PCAT7: variants seen among roughly 807,000 people sequenced by gnomAD.
The protein encoded by PCAT7 is prostate cancer associated transcript 7 (non-protein coding).
At chr9:94,573,007 C>G (rs1056154771) in exon 3 of PCAT7, 5 of 152,136 alleles carry the variant, frequency 3.3e-5, no homozygotes, top group Non-Finnish European at 4.4e-5. Flanking sequence ...CATAGACCAT[C>G]ATGTCGTCTG....
At chr9:94,561,488 G>A (rs535635109) in intron 2 of PCAT7, among the ~76,000 whole-genome samples, 3 of 148,428 alleles carry the variant, frequency 2.0e-5, no homozygotes, top group Non-Finnish European at 3.0e-5. Flanking sequence ...TCAGCCTCCC[G>A]AGTAGCTGGA....
chr9:94,574,363 G>A (rs1655337588), intron 3 of PCAT7, among the ~76,000 whole-genome samples: 1 of 152,130 alleles, frequency 6.6e-6, no homozygotes, highest in Admixed American at 6.6e-5. Flanking sequence ...CAATTTGACA[G>A]GTGGACAAAA....
At position 94,555,609 on chromosome 9, in the gene PCAT7, G is replaced by A. The variant is rs1456529305; in HGVS notation, n.257+299G>A. On this transcript the variant is annotated intron_variant and non_coding_transcript_variant, in intron 1 of 8. Transcript: ENST00000647389. ...AGGGGGGGAAAATGGGCGAGCAGTAGGGAGAGAAGGTTTTGTGAAAAGATG... is the reference window on the plus strand; with the variant it reads ...AGGGGGGGAAAATGGGCGAGCAGTAAGGAGAGAAGGTTTTGTGAAAAGATG... 2.0e-5 allele frequency among the ~76,000 whole-genome samples: 3 copies of A among 151,384 alleles called. No individual in the cohort carries two copies. The South Asian group carries it at 6.3e-4, about 32-fold the overall frequency.
intron 2 of PCAT7, chr9:94,567,403 A>G (rs746591066): frequency 2.5e-6 from 4 of 1,614,080 alleles, no homozygotes; most frequent in Middle Eastern, 1.6e-4. Flanking sequence ...AAATTCACCA[A>G]GAGCCTAGCA....
At chr9:94,555,419 T>TG (rs1401537567) in intron 1 of PCAT7, 7 of 151,288 alleles carry the variant, frequency 4.6e-5, no homozygotes, top group African/African-American at 1.7e-4. Context: ...AAAAAGACGA[T>TG]GGGGAAAAGA....
intron 2 of PCAT7, chr9:94,563,582 C>G (rs771623004): frequency 7.6e-6 from 8 of 1,046,126 alleles, no homozygotes; most frequent in Non-Finnish European, 1.1e-5. Flanking sequence ...CCTCCACCCA[C>G]TAGTGTAGGA....
At chr9:94,555,347 T>G (rs1469264567) in intron 1 of PCAT7, 1 of 149,166 alleles carries the variant, frequency 6.7e-6, no homozygotes, top group Non-Finnish European at 1.5e-5. Flanking sequence ...TAGATAGAGG[T>G]GGGTAAAGAG....
intron 2 of PCAT7, chr9:94,567,430 C>T: frequency 1.9e-6 from 3 of 1,605,868 alleles, no homozygotes. Context: ...AGAGAGATGC[C>T]AGGAAGAAGA....
intron 1 of PCAT7, chr9:94,558,827 A>T: frequency 1.0e-6 from 1 of 991,962 alleles, no homozygotes; most frequent in South Asian, 1.4e-5. Context: ...GTATGTGATT[A>T]AGTGGATTTA....
intron 3 of PCAT7, among the ~76,000 whole-genome samples, chr9:94,574,230 T>C (rs1439330518): frequency 6.6e-6 from 1 of 152,200 alleles, no homozygotes; most frequent in East Asian, 1.9e-4. Flanking sequence ...AATCTTTTGA[T>C]ACATATTGAA....
rs1276678366 is a variant in PCAT7 at position 94,567,818 on chromosome 9, A to G, written n.442-5161A>G. Reference sequence around the variant, plus strand: ...AAGAAGTTACATTGTCGTATGAGGGATGCATTTTAACCATTAATTTGTGGT... The same window carrying G: ...AAGAAGTTACATTGTCGTATGAGGGGTGCATTTTAACCATTAATTTGTGGT... On this transcript the variant is annotated intron_variant and non_coding_transcript_variant, in intron 2 of 8. Coordinates refer to ENST00000647389, the Ensembl canonical transcript of PCAT7. 6 of 170,192 alleles carry G rather than the reference A, an allele frequency of 3.5e-5. No homozygotes were observed. In the East Asian group the frequency reaches 9.0e-4, roughly 26 times the overall value. The allele number at this position is 170,192 out of a possible 1,614,324, so 10.5% of individuals were successfully genotyped here.
At chr9:94,564,494 A>G (rs1205139373) in intron 2 of PCAT7, among the ~76,000 whole-genome samples, 2 of 152,248 alleles carry the variant, frequency 1.3e-5, no homozygotes, top group Non-Finnish European at 2.9e-5. Context: ...GAAGAATGAG[A>G]TCATGTTTTT....
chr9:94,571,056 C>G (rs944330231), intron 2 of PCAT7: 2 of 159,010 alleles, frequency 1.3e-5, no homozygotes, highest in Admixed American at 6.5e-5. Context: ...GATGGGCAAG[C>G]CATCCAGCAT....
chr9:94,557,600 G>A (rs1827030015), intron 1 of PCAT7, among the ~76,000 whole-genome samples: 1 of 152,182 alleles, frequency 6.6e-6, no homozygotes. Flanking sequence ...CCCTGCCCAA[G>A]CTAAAGTGGG....
intron 3 of PCAT7, chr9:94,573,157 C>G (rs2131451939): frequency 6.6e-6 from 1 of 152,302 alleles, no homozygotes; most frequent in South Asian, 2.1e-4. Context: ...TGTTACTGAT[C>G]TTAGAGTATA....
At position 94,567,328 on chromosome 9, in the gene PCAT7, T is replaced by C. The variant is rs146159894; in HGVS notation, n.442-5651T>C. Reference sequence around the variant, plus strand: ...GGTGGCCGCATCAAAATACTTGGCATAGCCCTCATTCAGGCTGTAAATCTT... The same window carrying C: ...GGTGGCCGCATCAAAATACTTGGCACAGCCCTCATTCAGGCTGTAAATCTT... On this transcript the variant is annotated intron_variant and non_coding_transcript_variant, in intron 2 of 8. Coordinates refer to ENST00000647389, the Ensembl canonical transcript of PCAT7. 572 of 1,614,202 alleles carry C rather than the reference T, an allele frequency of 3.5e-4. 2 individuals carry two copies. In the African/African-American group the frequency reaches 6.8e-3, roughly 19 times the overall value.
chr9:94,555,234 T>C (rs1168544997), exon 1 of PCAT7: 1 of 152,078 alleles, frequency 6.6e-6, no homozygotes, highest in Non-Finnish European at 1.5e-5. Context: ...TGCTGGAGGC[T>C]TGAGCCGCGG....
chr9:94,560,588 G>T (rs746136957), intron 2 of PCAT7, among the ~76,000 whole-genome samples: 3 of 151,976 alleles, frequency 2.0e-5, no homozygotes, highest in Non-Finnish European at 4.4e-5. Flanking sequence ...ACCCAGCTAT[G>T]TGCAGCCTTT....
At chr9:94,572,207 G>T (rs1362786789) in intron 2 of PCAT7, among the ~76,000 whole-genome samples, 1 of 152,030 alleles carries the variant, frequency 6.6e-6, no homozygotes, top group African/African-American at 2.4e-5. Context: ...GCTCCTTCTG[G>T]TCCTTCTGTG....
Sources: allele counts gnomAD v4.1 joint callset (sites outside exome capture counted in the v4.1 genomes callset), GRCh38; gene constraint gnomAD v4.1.1; transcripts MANE v1.5; gene names NCBI Gene and HGNC (gene_info 2026-07-23, HGNC 2026-07-21).